The following CTNND2 variants were observed in gnomAD, a reference collection of about 807,000 sequenced individuals.
CTNND2 encodes catenin delta-2.
CTNND2 carries 22 observed loss-of-function variants against 144.4 expected under a neutral mutation model. The observed-to-expected ratio is 0.15, with a 90% confidence interval of 0.11 to 0.22. CTNND2 has a LOEUF of 0.22. Ranked by LOEUF, CTNND2 falls within the 10% of genes least tolerant of loss-of-function variation. The pLI, the probability that CTNND2 is intolerant of heterozygous loss-of-function variation, is 1.00. For missense variants in CTNND2, 1,353 were observed against 1,618.8 expected (o/e 0.84, Z 2.82); for synonymous variants, 751 against 695.6 (o/e 1.08, Z -1.25).
intron 16 of CTNND2, among the ~76,000 whole-genome samples, chr5:11,059,082 G>T (rs1306960820): frequency 6.6e-6 from 1 of 152,188 alleles, no homozygotes. Flanking sequence ...ACTTTGGACT[G>T]TGGACTTTTG....
intron 1 of CTNND2, among the ~76,000 whole-genome samples, chr5:11,881,599 A>AAGGG (rs1736120121): frequency 6.6e-6 from 1 of 151,956 alleles, no homozygotes; most frequent in Admixed American, 6.6e-5. Flanking sequence ...ACCTTGCTGC[A>AAGGG]AAACACAAGA....
At chr5:11,841,740 G>A (rs898212382) in intron 1 of CTNND2, among the ~76,000 whole-genome samples, 2 of 151,884 alleles carry the variant, frequency 1.3e-5, no homozygotes, top group African/African-American at 2.4e-5. Flanking sequence ...TCTGTAAAAT[G>A]AGGAACTGGA....
chr5:11,669,685 T>C (rs1233739065), intron 2 of CTNND2, among the ~76,000 whole-genome samples: 4 of 152,066 alleles, frequency 2.6e-5, no homozygotes, highest in Non-Finnish European at 4.4e-5. Flanking sequence ...TGTTGATCTT[T>C]TTAAAAAACC....
At chr5:11,201,437 A>G (rs1242289406) in intron 10 of CTNND2, among the ~76,000 whole-genome samples, 1 of 152,260 alleles carries the variant, frequency 6.6e-6, no homozygotes, top group African/African-American at 2.4e-5. Flanking sequence ...CCAAGGATGT[A>G]TCCAGAGGCC....
At chr5:11,321,065 T>G (rs1289269192) in intron 9 of CTNND2, among the ~76,000 whole-genome samples, 2 of 152,212 alleles carry the variant, frequency 1.3e-5, no homozygotes, top group African/African-American at 4.8e-5. Flanking sequence ...CAGAGCTAAA[T>G]AACACATTCT....
chr5:11,895,624 G>T (rs1429672744), intron 1 of CTNND2, among the ~76,000 whole-genome samples: 7 of 151,326 alleles, frequency 4.6e-5, no homozygotes. Flanking sequence ...AACTCCTGTA[G>T]GACAAGTGAG....
chr5:11,198,815 C>T lies in CTNND2; in HGVS notation c.1975+633G>A, dbSNP rs1051419608. ...GAGGGATGACAGCTTATGGCTAACACGGACTGTGTTTACATGTATTCCATA... is the reference window on the plus strand; with the variant it reads ...GAGGGATGACAGCTTATGGCTAACATGGACTGTGTTTACATGTATTCCATA... On this transcript the variant is annotated intron_variant, in intron 11 of 21. Transcript: ENST00000304623. 4.6e-5 allele frequency among the ~76,000 whole-genome samples: 7 copies of T among 152,324 alleles called. No individual in the cohort carries two copies. In the East Asian group the frequency reaches 5.8e-4, roughly 13 times the overall value.
intron 8 of CTNND2, among the ~76,000 whole-genome samples, chr5:11,364,159 T>C (rs1756735998): frequency 6.6e-6 from 1 of 152,244 alleles, no homozygotes; most frequent in Admixed American, 6.5e-5. Flanking sequence ...ATATAACTGA[T>C]TGAACCATTT....
chr5:11,086,253 A>C (rs907450313), intron 15 of CTNND2, among the ~76,000 whole-genome samples: 2 of 152,146 alleles, frequency 1.3e-5, no homozygotes, highest in Non-Finnish European at 2.9e-5. Context: ...GTGTGGGCCA[A>C]GACAGGACCC....
At chr5:10,993,289 T>C (rs779802445) in intron 18 of CTNND2, among the ~76,000 whole-genome samples, 1 of 152,144 alleles carries the variant, frequency 6.6e-6, no homozygotes, top group Non-Finnish European at 1.5e-5. Context: ...CTAGTTAATA[T>C]ACAGAAAGCA....
intron 3 of CTNND2, among the ~76,000 whole-genome samples, chr5:11,474,042 T>C (rs1038826100): frequency 1.6e-4 from 24 of 152,234 alleles, no homozygotes; most frequent in African/African-American, 5.1e-4. Context: ...TCTATGCTGT[T>C]TGGAAGAGAG....
At position 11,475,884 on chromosome 5, in the gene CTNND2, G is replaced by C. The variant is rs538773953; in HGVS notation, c.288-63815C>G. ...TTTGTTTGTTTTTCTTTTTGAGACT[G>C]GATCTCATTCGGTAACCCAGGCTGG... On this transcript the variant is annotated intron_variant, in intron 3 of 21. Coordinates refer to ENST00000304623, the MANE Select transcript of CTNND2 (RefSeq NM_001332.4). 3.5e-4 allele frequency among the ~76,000 whole-genome samples: 53 copies of C among 152,116 alleles called. No homozygotes were observed. The South Asian group carries it at 8.7e-3, about 25-fold the overall frequency.
At chr5:11,861,064 T>C (rs976401581) in intron 1 of CTNND2, among the ~76,000 whole-genome samples, 4 of 152,344 alleles carry the variant, frequency 2.6e-5, no homozygotes, top group African/African-American at 9.6e-5. Context: ...GAAAATGACT[T>C]GAACAGAAAA....
chr5:11,129,121 T>TAAATAA (rs1479217647), intron 12 of CTNND2, among the ~76,000 whole-genome samples: 3,366 of 16,844 alleles, frequency 0.2, 562 homozygotes, highest in East Asian at 0.47. Context: ...ATATTATATA[T>TAAATAA]AATATATATT....
intron 9 of CTNND2, among the ~76,000 whole-genome samples, chr5:11,289,927 T>G (rs1748144332): frequency 6.6e-6 from 1 of 152,018 alleles, no homozygotes; most frequent in Non-Finnish European, 1.5e-5. Context: ...AATTCTGGAG[T>G]AGTTACTGTC....
At chr5:11,027,778 A>G (rs1369276301) in intron 16 of CTNND2, among the ~76,000 whole-genome samples, 2 of 152,196 alleles carry the variant, frequency 1.3e-5, no homozygotes, top group African/African-American at 2.4e-5. Context: ...AAGGTACCCC[A>G]AGGGACTCAC....
chr5:11,824,429 T>C (rs985957658), intron 1 of CTNND2, among the ~76,000 whole-genome samples: 1 of 152,266 alleles, frequency 6.6e-6, no homozygotes, highest in East Asian at 1.9e-4. Flanking sequence ...AAGCAGAAAG[T>C]GTCCCTTCAG....
intron 9 of CTNND2, among the ~76,000 whole-genome samples, chr5:11,248,607 C>G (rs1048026387): frequency 6.6e-6 from 1 of 152,114 alleles, no homozygotes; most frequent in Non-Finnish European, 1.5e-5. Flanking sequence ...TGACAATTGT[C>G]CCTGAGAAAA....
intron 2 of CTNND2, among the ~76,000 whole-genome samples, chr5:11,706,128 T>C (rs1212859798): frequency 6.6e-6 from 1 of 152,124 alleles, no homozygotes; most frequent in African/African-American, 2.4e-5. Context: ...CTGAGTGAAC[T>C]TGGAAGCAGA....
Sources: allele counts gnomAD v4.1 joint callset (sites outside exome capture counted in the v4.1 genomes callset), GRCh38; gene constraint gnomAD v4.1.1; transcripts MANE v1.5; gene names NCBI Gene and HGNC (gene_info 2026-07-23, HGNC 2026-07-21).